ACSS2: variants seen among roughly 807,000 people sequenced by gnomAD.
ACSS2 encodes the protein acyl-CoA synthetase short chain family member 2, also known as acetyl-coenzyme A synthetase, cytoplasmic.
Under a neutral mutation model 90.6 loss-of-function variants are expected in ACSS2, and 58 were observed. The observed-to-expected ratio is 0.64, with a 90% CI of 0.52 to 0.80. The LOEUF (loss-of-function observed/expected upper bound fraction) is 0.80. ACSS2 is among the 30% of genes least tolerant of loss of function. ACSS2 has a pLI of 0.00. For synonymous variants in ACSS2, 300 were observed against 330.9 expected (o/e 0.91, Z 1.01); for missense variants, 759 against 912.0 (o/e 0.83, Z 2.16).
At position 34,927,263 on chromosome 20, in the gene ACSS2, C is replaced by T; in HGVS notation, c.*49C>T. The T allele has an allele frequency of 6.2e-7, 1 of 1,605,916 alleles. No homozygotes were observed. Among genetic ancestry groups the T allele is most frequent in the Non-Finnish European group, 8.5e-7 (1 of 1,179,040 alleles). ...GATTCCTCCTGCTCCAAACTTTGCC[C>T]ATCCTCTTTGCCCCCTCAGGAGTGC... On this transcript the variant is annotated 3_prime_UTR_variant, in exon 18 of 18. Transcript: ENST00000360596. The surrounding 1 kb of genome is among the most constrained non-coding windows in gnomAD (Gnocchi z 4.2).
At chr20:34,883,126 T>G (rs564612824) in intron 2 of ACSS2, 137 bp downstream of exon 2, 2 of 623,388 alleles carry the variant, frequency 3.2e-6, no homozygotes, top group African/African-American at 3.7e-5. Context: ...CTACATGACT[T>G]CCTTCAGATC....
chr20:34,925,836 C>T (rs190900418), intron 15 of ACSS2, 70 bp downstream of exon 15: 54 of 1,538,080 alleles, frequency 3.5e-5, no homozygotes, highest in African/African-American at 5.5e-5. Context: ...CGAAGCCTTC[C>T]GCAAGAGCCC....
chr20:34,904,838 G>T (rs1182048275), intron 2 of ACSS2, among the ~76,000 whole-genome samples: 1 of 151,320 alleles, frequency 6.6e-6, no homozygotes, highest in Non-Finnish European at 1.5e-5. Flanking sequence ...TATACCAAGG[G>T]TTCCCCATGT....
intron 15 of ACSS2, 125 bp from the exon 16 acceptor site, chr20:34,925,980 T>G (rs781292960): frequency 7.2e-5 from 79 of 1,092,672 alleles, no homozygotes; most frequent in Middle Eastern, 2.8e-4. Context: ...AAGCATGTCA[T>G]CTGAGGAGTG....
chr20:34,882,494 C>T (rs1025021036), intron 1 of ACSS2, among the ~76,000 whole-genome samples: 6 of 151,116 alleles, frequency 4.0e-5, no homozygotes, highest in African/African-American at 7.3e-5. Context: ...TGGTGGCACG[C>T]GCCTGTAGTC....
At chr20:34,882,195 T>G (rs1467088769) in intron 1 of ACSS2, among the ~76,000 whole-genome samples, 3 of 152,124 alleles carry the variant, frequency 2.0e-5, no homozygotes, top group African/African-American at 7.2e-5. Flanking sequence ...ATTGCCTATT[T>G]TGTGCTAGGC....
In ACSS2 at chr20:34,926,929, T is replaced by C; in HGVS notation, c.1956T>C (p.Pro652=). The C allele has an allele frequency of 6.2e-7, 1 of 1,614,180 alleles. No homozygotes were observed. The change falls in exon 17 of 18, where the codon CCT becomes CCC. Residue 652 remains proline, a synonymous_variant. Coordinates refer to ENST00000360596, the MANE Select transcript of ACSS2 (RefSeq NM_018677.4). ...CACCAGACTACATCCAGAATGCACCTGGCTTGCCTAAAACCCGCTCAGGTA... is the reference window on the plus strand; with the variant it reads ...CACCAGACTACATCCAGAATGCACCCGGCTTGCCTAAAACCCGCTCAGGTA... ...IATPDYIQNA[P]GLPKTRSGKI... is the part of the protein sequence containing the mutation.
upstream of ACSS2, among the ~76,000 whole-genome samples, chr20:34,875,311 G>T (rs2079883727): frequency 6.6e-6 from 1 of 152,218 alleles, no homozygotes; most frequent in African/African-American, 2.4e-5. Flanking sequence ...GCTCACGCCT[G>T]TAATCCTAGC....
chr20:34,883,280 T>C (rs535992901), intron 2 of ACSS2, among the ~76,000 whole-genome samples: 7 of 152,358 alleles, frequency 4.6e-5, no homozygotes, highest in African/African-American at 1.7e-4. Context: ...TTCCTCATTC[T>C]TGCTTTGGAA....
chr20:34,882,133 C>G (rs2080082236), intron 1 of ACSS2, among the ~76,000 whole-genome samples: 1 of 152,250 alleles, frequency 6.6e-6, no homozygotes, highest in Non-Finnish European at 1.5e-5. Context: ...AGGAGGACAG[C>G]TGAGTCCAGG....
At chr20:34,907,622 C>T (rs1007509361) in intron 2 of ACSS2, among the ~76,000 whole-genome samples, 2 of 152,160 alleles carry the variant, frequency 1.3e-5, no homozygotes, top group African/African-American at 4.8e-5. Flanking sequence ...CAAGTGAGCG[C>T]ACATAGGTGA....
At chr20:34,923,259 C>A in intron 13 of ACSS2, 64 bp from the exon 14 acceptor site, 1 of 1,180,170 alleles carries the variant, frequency 8.5e-7, no homozygotes, top group Middle Eastern at 1.9e-4. Context: ...TTTAGAAAAG[C>A]TGTAATTATC....
chr20:34,923,562 T>C (rs1400809025), intron 14 of ACSS2, 131 bp downstream of exon 14: 1 of 708,582 alleles, frequency 1.4e-6, no homozygotes, highest in Non-Finnish European at 2.4e-6. Context: ...AAAAGAGGTT[T>C]ATTTTGGATC....
At chr20:34,906,507 G>A (rs1434467981) in intron 2 of ACSS2, among the ~76,000 whole-genome samples, 1 of 152,034 alleles carries the variant, frequency 6.6e-6, no homozygotes, top group Non-Finnish European at 1.5e-5. Context: ...TGTATAACTT[G>A]AGCCCATAGC....
intron 1 of ACSS2, among the ~76,000 whole-genome samples, chr20:34,880,826 C>G (rs980600793): frequency 6.6e-6 from 1 of 151,930 alleles, no homozygotes; most frequent in Non-Finnish European, 1.5e-5. Flanking sequence ...TATATTCTGT[C>G]TTGTACATTA....
chr20:34,920,817 GT>G, intron 9 of ACSS2, 108 bp downstream of exon 9: 13 of 1,473,560 alleles, frequency 8.8e-6, no homozygotes, highest in Non-Finnish European at 1.1e-5. Context: ...ACAATCATCT[GT>G]TTTCTGGAGA....
chr20:34,919,311 G>T, intron 7 of ACSS2, 124 bp from the exon 8 acceptor site: 1 of 1,436,310 alleles, frequency 7.0e-7, no homozygotes. Flanking sequence ...ATCCTTGAAG[G>T]GCCTTCTCTC....
At chr20:34,898,947 C>T (rs188708653) in intron 2 of ACSS2, among the ~76,000 whole-genome samples, 7 of 152,328 alleles carry the variant, frequency 4.6e-5, no homozygotes, top group African/African-American at 9.6e-5. Flanking sequence ...AGCCCTGCCC[C>T]GCGGGAAGGC....
chr20:34,914,045 C>T (rs773525828), intron 5 of ACSS2, 51 bp from the exon 6 acceptor site: 3 of 1,591,406 alleles, frequency 1.9e-6, no homozygotes, highest in Admixed American at 1.7e-5. Context: ...ATTGTGCCCA[C>T]TAGGCAGCAT....
Sources: allele counts gnomAD v4.1 joint callset (sites outside exome capture counted in the v4.1 genomes callset), GRCh38; gene constraint gnomAD v4.1.1; non-coding constraint Gnocchi (gnomAD v3.1); transcripts MANE v1.5; gene names NCBI Gene and HGNC (gene_info 2026-07-23, HGNC 2026-07-21).